UCHL5: variants seen among roughly 807,000 people sequenced by gnomAD.
The protein encoded by UCHL5 is ubiquitin C-terminal hydrolase L5.
UCHL5 carries 34 observed loss-of-function variants against 53.8 expected under a neutral mutation model. That is an observed-to-expected ratio of 0.63 (90% CI 0.48 to 0.84). The LOEUF is 0.84. Among genes scored for constraint, UCHL5 ranks in the 40% least tolerant of loss-of-function variants. The pLI is 0.00. For missense variants in UCHL5, 290 were observed against 385.6 expected (o/e 0.75, Z 2.08); for synonymous variants, 111 against 126.3 (o/e 0.88, Z 0.81).
At chr1:193,039,194 C>G (rs1209233481) in intron 3 of UCHL5, among the ~76,000 whole-genome samples, 3 of 152,054 alleles carry the variant, frequency 2.0e-5, no homozygotes, top group South Asian at 2.1e-4. Context: ...TGAGGCCAAC[C>G]TGGCCTCAAG....
intron 3 of UCHL5, among the ~76,000 whole-genome samples, chr1:193,037,213 C>T (rs1663848899): frequency 6.6e-6 from 1 of 151,522 alleles, no homozygotes; most frequent in Admixed American, 6.6e-5. Flanking sequence ...GAAAAATCTT[C>T]AGGAAAGGTA....
intron 3 of UCHL5, among the ~76,000 whole-genome samples, chr1:193,044,041 C>A (rs987200625): frequency 6.6e-6 from 1 of 152,170 alleles, no homozygotes; most frequent in African/African-American, 2.4e-5. Context: ...GATCCCCCCA[C>A]CACAAACCTG....
chr1:193,046,363 T>C (rs1667323755), intron 3 of UCHL5, among the ~76,000 whole-genome samples: 1 of 151,982 alleles, frequency 6.6e-6, no homozygotes, highest in Non-Finnish European at 1.5e-5. Context: ...AATTAGAAAC[T>C]CAAAATGTTG....
intron 9 of UCHL5, among the ~76,000 whole-genome samples, chr1:193,022,295 C>T (rs555917507): frequency 4.3e-4 from 65 of 152,238 alleles, no homozygotes; most frequent in African/African-American, 1.5e-3. Flanking sequence ...AAACACTTTA[C>T]TGACACTGTG....
At chr1:193,026,316 A>C (rs1659207758) in intron 7 of UCHL5, among the ~76,000 whole-genome samples, 1 of 152,166 alleles carries the variant, frequency 6.6e-6, no homozygotes, top group Non-Finnish European at 1.5e-5. Context: ...ATCAGGATTA[A>C]GACCTTTTGC....
At chr1:193,018,943 T>TTA in intron 10 of UCHL5, 7 of 630,800 alleles carry the variant, frequency 1.1e-5, no homozygotes, top group South Asian at 5.2e-5. Flanking sequence ...TTTTATATAA[T>TTA]TATAAAATCT....
chr1:193,022,982 C>G lies in UCHL5; in HGVS notation c.787G>C (p.Val263Leu), dbSNP rs1657694947. ...TCAATAAGCATCTGATTTTTGGCAA[C>G]TTCTGACTGAATAGCACTTAACATA... ...NSMLSAIQSEVAKNQMLIEEE... is the reference protein window; with the variant it reads ...NSMLSAIQSELAKNQMLIEEE... The change falls in exon 9 of 11, where the codon GTT becomes CTT. Residue 263 changes from valine (V) to leucine (L), a missense_variant. Coordinates refer to ENST00000367454, the MANE Select transcript of UCHL5 (RefSeq NM_001199261.3). The G allele has an allele frequency of 1.9e-6, 3 of 1,613,338 alleles. No individual in the cohort carries two copies. The highest frequency in any genetic ancestry group is 2.5e-6 in the Non-Finnish European group (3 of 1,179,630).
Position 193,014,699 on chromosome 1 carries a change from ACTTT to A in UCHL5, c.*1648_*1651del, listed in dbSNP as rs1654641085. The A allele has an allele frequency of 6.6e-6, 1 of 152,134 alleles. No homozygotes were observed. The highest frequency in any genetic ancestry group is 1.5e-5 in the Non-Finnish European group (1 of 67,990). 9.4% of individuals were successfully genotyped at this position (152,134 alleles called of 1,614,324 possible). ...TATTCTGGCTCCATTTGTTGAAAAG[ACTTT>A]CCTTCTCTGTTGAATTGTTTTGCCA... On this transcript the variant is annotated 3_prime_UTR_variant, in exon 11 of 11. Transcript: ENST00000367454.
At chr1:193,034,193 TAA>T (rs1662535695) in intron 3 of UCHL5, among the ~76,000 whole-genome samples, 1 of 151,900 alleles carries the variant, frequency 6.6e-6, no homozygotes, top group African/African-American at 2.4e-5. Flanking sequence ...TATGAAATAA[TAA>T]AGAGTGGTAG....
chr1:193,020,720 A>G (rs1306755118), intron 10 of UCHL5, among the ~76,000 whole-genome samples: 1 of 151,882 alleles, frequency 6.6e-6, no homozygotes, highest in Non-Finnish European at 1.5e-5. Flanking sequence ...TAAACCCAAC[A>G]ATGTCCATTC....
chr1:193,016,525 C>T, intron 10 of UCHL5, 130 bp from the exon 11 acceptor site: 2 of 760,764 alleles, frequency 2.6e-6, no homozygotes, highest in Non-Finnish European at 2.0e-6. Context: ...ACTTCTAAAG[C>T]ATTATGTTTT....
rs755864376 is a variant in UCHL5 at position 193,029,616 on chromosome 1, C to T, written c.288G>A (p.Val96=). 1 of 1,612,986 alleles carries T rather than the reference C, an allele frequency of 6.2e-7. No homozygotes were observed. The highest frequency in any genetic ancestry group is 1.1e-5 in the South Asian group (1 of 90,982). ...NACATQAIVS[V]LLNCTHQDVH... ...CATCCTGGTGGGTACAGTTCAGTAA[C>T]ACACTCACTATGGCTTGAGTAGCAC... The change falls in exon 4 of 11, where the codon GTG becomes GTA. Residue 96 remains valine (V), a synonymous_variant. Transcript: ENST00000367454.
At position 193,043,151 on chromosome 1, in the gene UCHL5, TAA is replaced by T. The variant is rs200951342; in HGVS notation, c.246+6593_246+6594del. 6.3e-3 allele frequency among the ~76,000 whole-genome samples: 230 copies of T among 36,382 alleles called. 6 individuals are homozygous for T. Among genetic ancestry groups the T allele is most frequent in the East Asian group, 0.027 (36 of 1,322 alleles). 23.9% of individuals were successfully genotyped at this position (36,382 alleles called of 152,430 possible). On this transcript the variant is annotated intron_variant, in intron 3 of 10. Transcript: ENST00000367454. ...TGGAGCCTTGACAGCTCTTGAATAT[TAA>T]AAAAAAAAAAAAAAAAAAAAAAACC...
intron 3 of UCHL5, among the ~76,000 whole-genome samples, chr1:193,031,204 T>C (rs1033697114): frequency 6.6e-6 from 1 of 152,152 alleles, no homozygotes; most frequent in Non-Finnish European, 1.5e-5. Context: ...TAGGTCTAAA[T>C]TACCTAAGGT....
At chr1:193,029,115 G>A (rs1253695578) in intron 6 of UCHL5, 64 bp downstream of exon 6, 6 of 1,572,422 alleles carry the variant, frequency 3.8e-6, no homozygotes, top group South Asian at 1.2e-5. Flanking sequence ...CACTGAATGA[G>A]GGTAAATACC....
intron 6 of UCHL5, among the ~76,000 whole-genome samples, chr1:193,028,750 T>C (rs1457442054): frequency 6.6e-6 from 1 of 152,094 alleles, no homozygotes; most frequent in African/African-American, 2.4e-5. Context: ...ATAGAGAAAT[T>C]TTAAGAAAAA....
chr1:193,049,812 T>C lies in UCHL5; in HGVS notation c.180A>G (p.Pro60=), dbSNP rs776936782. 8 of 1,612,490 alleles carry C rather than the reference T, an allele frequency of 5.0e-6. No homozygotes were observed. The Admixed American group carries it at 5.0e-5, about 10-fold the overall frequency. ...HGLIFLFKWQ[P]GEEPAGSVVQ... Reference sequence around the variant, plus strand: ...CCACAGAGCCTGCTGGTTCTTCTCCTGGCTGCCACTTGAAAAGAAAAATTA... The same window carrying C: ...CCACAGAGCCTGCTGGTTCTTCTCCCGGCTGCCACTTGAAAAGAAAAATTA... Residue 60 remains proline (P), a synonymous_variant, in exon 3 of 11, where the codon CCA becomes CCG. Coordinates refer to ENST00000367454, the MANE Select transcript of UCHL5 (RefSeq NM_001199261.3).
chr1:193,023,525 C>T (rs1243284872), intron 8 of UCHL5, among the ~76,000 whole-genome samples: 1 of 152,094 alleles, frequency 6.6e-6, no homozygotes, highest in South Asian at 2.1e-4. Flanking sequence ...TCATTCCTAA[C>T]ACTTATTTAG....
At chr1:193,059,474 C>A (rs199691954), upstream of UCHL5, 132 of 1,606,688 alleles carry the variant, frequency 8.2e-5, no homozygotes, top group Non-Finnish European at 9.7e-5. The surrounding 1 kb of genome is among the most constrained non-coding windows in gnomAD (Gnocchi z 4.9). Flanking sequence ...AAACTCTTCC[C>A]AGGCCTTGCA....
Sources: allele counts gnomAD v4.1 joint callset (sites outside exome capture counted in the v4.1 genomes callset), GRCh38; gene constraint gnomAD v4.1.1; non-coding constraint Gnocchi (gnomAD v3.1); transcripts MANE v1.5; gene names NCBI Gene and HGNC (gene_info 2026-07-23, HGNC 2026-07-21).